The following STRN variants were observed in gnomAD, a reference collection of about 807,000 sequenced individuals.
The protein encoded by STRN is striatin.
In STRN, 53 loss-of-function variants were observed where a neutral mutation model predicts 96.3. That is an observed-to-expected ratio of 0.55 (90% CI 0.44 to 0.69). The LOEUF (loss-of-function observed/expected upper bound fraction) is 0.69, where lower values mean the gene tolerates loss of function less well. STRN is among the 30% of genes least tolerant of loss of function. The pLI, the probability that STRN is intolerant of heterozygous loss-of-function variation, is 0.00. For missense variants in STRN, 987 were observed against 963.9 expected, an observed-to-expected ratio of 1.02 and a Z score of -0.32; for synonymous variants, 428 against 355.9, an observed-to-expected ratio of 1.20 and a Z score of -2.28.
chr2:36,943,859 A>G (rs1024719661), intron 1 of STRN, among the ~76,000 whole-genome samples: 1 of 152,114 alleles, frequency 6.6e-6, no homozygotes, highest in Admixed American at 6.5e-5. Flanking sequence ...GCTCACACCT[A>G]TAATCCTAGC....
intron 9 of STRN, among the ~76,000 whole-genome samples, chr2:36,880,373 G>C (rs893158695): frequency 4.6e-5 from 7 of 152,176 alleles, no homozygotes; most frequent in Admixed American, 1.3e-4. Flanking sequence ...CCAGGAGTTT[G>C]AGGCTACAGT....
chr2:36,920,497 G>T (rs1171417884), intron 2 of STRN, among the ~76,000 whole-genome samples: 2 of 152,194 alleles, frequency 1.3e-5, no homozygotes, highest in South Asian at 4.1e-4. Context: ...AATTAGCCAG[G>T]TGTGGTGGTG....
chr2:36,915,624 T>G (rs575864090), intron 3 of STRN, among the ~76,000 whole-genome samples: 2 of 152,256 alleles, frequency 1.3e-5, no homozygotes, highest in East Asian at 3.9e-4. Context: ...ACCAAAACAG[T>G]TTTCCACCTG....
intron 9 of STRN, 43 bp from the exon 10 acceptor site, chr2:36,878,070 A>G (rs1668963650): frequency 1.2e-6 from 2 of 1,606,946 alleles, no homozygotes; most frequent in Non-Finnish European, 1.7e-6. Context: ...ATCTCTAAGG[A>G]GCCAACATTT....
chr2:36,890,545 G>A (rs1015795306), intron 7 of STRN, among the ~76,000 whole-genome samples: 1 of 144,930 alleles, frequency 6.9e-6, no homozygotes, highest in African/African-American at 2.6e-5. Flanking sequence ...GTGCAATGGC[G>A]TCATCTTGGC....
intron 8 of STRN, among the ~76,000 whole-genome samples, chr2:36,884,299 T>A (rs561395851): frequency 4.6e-5 from 7 of 152,268 alleles, no homozygotes; most frequent in South Asian, 2.1e-4. Flanking sequence ...GATATCACTA[T>A]TTACATAAAA....
intron 7 of STRN, among the ~76,000 whole-genome samples, chr2:36,893,553 T>A (rs979232781): frequency 6.6e-6 from 1 of 152,330 alleles, no homozygotes; most frequent in East Asian, 1.9e-4. Flanking sequence ...ATGTCAGCAA[T>A]GAGATCTCCA....
At chr2:36,910,083 G>A (rs1669924854) in intron 3 of STRN, among the ~76,000 whole-genome samples, 1 of 150,028 alleles carries the variant, frequency 6.7e-6, no homozygotes, top group African/African-American at 2.5e-5. Context: ...TGAGGCAGGA[G>A]AATCGCTTGA....
chr2:36,954,314 C>G (rs998916651), intron 1 of STRN, among the ~76,000 whole-genome samples: 1 of 151,812 alleles, frequency 6.6e-6, no homozygotes, highest in Non-Finnish European at 1.5e-5. Context: ...AGTTCAAGAC[C>G]AGCCTGGCCA....
rs1334813720 is a variant in STRN, at chr2:36,966,457, C to T, written c.7G>A (p.Glu3Lys). Residue 3 changes from glutamate (E) to lysine (K), a missense_variant, in exon 1 of 18, where the codon GAG becomes AAG. By Grantham distance (56) the Glu-to-Lys change is moderately conservative. Transcript: ENST00000263918. ...AAGAAGACGCCGGGACCCGCCTGCT[C>T]GTCCATGGCGGCCGCAGATACCCGG... MD[E>K]QAGPGVFFSN... 2 of 1,456,558 alleles carry T rather than the reference C, an allele frequency of 1.4e-6. No individual in the cohort carries two copies. Among genetic ancestry groups the T allele is most frequent in the African/African-American group, 1.5e-5 (1 of 67,730 alleles). The allele number at this position is 1,456,558 out of a possible 1,614,324, so 90.2% of individuals were successfully genotyped here.
intron 10 of STRN, among the ~76,000 whole-genome samples, chr2:36,871,858 G>A (rs1384591174): frequency 6.6e-6 from 1 of 152,054 alleles, no homozygotes; most frequent in Non-Finnish European, 1.5e-5. Flanking sequence ...GAATTTAGAA[G>A]TTACCCTCAA....
intron 6 of STRN, among the ~76,000 whole-genome samples, chr2:36,895,212 A>G (rs754039012): frequency 2.0e-5 from 3 of 151,990 alleles, no homozygotes; most frequent in Admixed American, 6.6e-5. Flanking sequence ...CTGTAGTCCC[A>G]GCTACTCGGG....
At chr2:36,873,777 T>C (rs751886882) in intron 10 of STRN, among the ~76,000 whole-genome samples, 2 of 150,920 alleles carry the variant, frequency 1.3e-5, no homozygotes, top group Non-Finnish European at 2.9e-5. Flanking sequence ...ACCCTGTCTC[T>C]ACTAAGAATA....
rs1296623879 is a variant in STRN, at chr2:36,839,238, A to G, written c.*10218T>C. 6.6e-6 allele frequency among the ~76,000 whole-genome samples: 1 copy of G among 151,454 alleles called. No homozygotes were observed. The highest frequency in any genetic ancestry group is 2.4e-5 in the African/African-American group (1 of 41,184). ...TCAAATCATCCCCCTTCCCTGCTCT[A>G]TTTTTTTTCCCTCTGCACTTATCAC... On this transcript the variant is annotated 3_prime_UTR_variant, in exon 18 of 18. Coordinates refer to ENST00000263918, the MANE Select transcript of STRN (RefSeq NM_003162.4).
chr2:36,919,559 C>G (rs1424106802), intron 2 of STRN, among the ~76,000 whole-genome samples: 4 of 151,760 alleles, frequency 2.6e-5, no homozygotes, highest in Non-Finnish European at 1.5e-5. Flanking sequence ...GGAATGGAGA[C>G]AGAGAAGGGA....
rs1012384977 is a variant in STRN at position 36,843,215 on chromosome 2, C to G, written c.*6241G>C. Among the ~76,000 whole-genome samples, 1 of 152,088 alleles carries G rather than the reference C, an allele frequency of 6.6e-6. No homozygotes were observed. The highest frequency in any genetic ancestry group is 1.5e-5 in the Non-Finnish European group (1 of 68,016). On this transcript the variant is annotated 3_prime_UTR_variant, in exon 18 of 18. Transcript: ENST00000263918. Reference sequence around the variant, plus strand: ...TAATACTCATTAGTATACCAGCATACAGAACACCAAACAATGGTGGATAGT... The same window carrying G: ...TAATACTCATTAGTATACCAGCATAGAGAACACCAAACAATGGTGGATAGT...
At chr2:36,862,931 T>C (rs1481901441) in intron 12 of STRN, among the ~76,000 whole-genome samples, 1 of 152,050 alleles carries the variant, frequency 6.6e-6, no homozygotes, top group Non-Finnish European at 1.5e-5. Flanking sequence ...GAGACGCGGT[T>C]TCACCGTGGT....
chr2:36,906,822 G>A (rs1221495429), intron 3 of STRN, among the ~76,000 whole-genome samples: 3 of 152,004 alleles, frequency 2.0e-5, no homozygotes, highest in South Asian at 2.1e-4. Flanking sequence ...TCGGGAGGCT[G>A]AGGCAGGACA....
chr2:36,904,460 C>T (rs571145707), intron 4 of STRN, among the ~76,000 whole-genome samples: 4 of 152,278 alleles, frequency 2.6e-5, no homozygotes, highest in African/African-American at 7.2e-5. Flanking sequence ...TGAGTCTAGT[C>T]TACCTCTTGA....
Sources: allele counts gnomAD v4.1 joint callset (sites outside exome capture counted in the v4.1 genomes callset), GRCh38; gene constraint gnomAD v4.1.1; transcripts MANE v1.5; gene names NCBI Gene and HGNC (gene_info 2026-07-23, HGNC 2026-07-21).